CFAP299: variants seen among roughly 807,000 people sequenced by gnomAD.
The protein encoded by CFAP299 is cilia- and flagella-associated protein 299.
A neutral mutation model predicts 27.0 loss-of-function variants in CFAP299; 21 were observed. The ratio of observed to expected loss-of-function variants is 0.78; its 90% CI spans 0.55 to 1.12. The LOEUF is 1.12. CFAP299 is among the 50% of genes most tolerant of loss of function. The pLI is 0.00. For synonymous variants in CFAP299, 104 were observed against 98.1 expected (o/e 1.06, Z -0.36); for missense variants, 310 against 276.6 (o/e 1.12, Z -0.86).
At chr4:80,645,811 A>C (rs1739978433) in intron 3 of CFAP299, among the ~76,000 whole-genome samples, 1 of 152,122 alleles carries the variant, frequency 6.6e-6, no homozygotes, top group Admixed American at 6.6e-5. Flanking sequence ...ATATTTTCCA[A>C]GGTCTTTATG....
chr4:80,714,160 G>A (rs1279220705), intron 3 of CFAP299, among the ~76,000 whole-genome samples: 2 of 152,100 alleles, frequency 1.3e-5, no homozygotes, highest in African/African-American at 4.8e-5. Context: ...GGAAAGCAAT[G>A]TTTGCTAGTG....
At chr4:80,845,609 C>T (rs1481816836) in intron 3 of CFAP299, among the ~76,000 whole-genome samples, 4 of 152,136 alleles carry the variant, frequency 2.6e-5, no homozygotes, top group Admixed American at 6.6e-5. Context: ...TCTTCACGCA[C>T]ATCTTCCCCT....
chr4:80,747,773 A>G (rs1024623228), intron 3 of CFAP299, among the ~76,000 whole-genome samples: 4 of 151,990 alleles, frequency 2.6e-5, no homozygotes, highest in African/African-American at 7.2e-5. Context: ...GGCAAATTTT[A>G]TAGAGCTGTC....
chr4:80,598,752 A>G (rs937008451), intron 3 of CFAP299, among the ~76,000 whole-genome samples: 2 of 152,190 alleles, frequency 1.3e-5, no homozygotes, highest in African/African-American at 2.4e-5. Flanking sequence ...TCTAGGTGAC[A>G]TTGCTCCTAA....
chr4:80,467,802 A>G (rs1030232292), intron 2 of CFAP299, among the ~76,000 whole-genome samples: 5 of 152,206 alleles, frequency 3.3e-5, no homozygotes, highest in African/African-American at 9.7e-5. Flanking sequence ...AGGAGATCTC[A>G]GGAAACTTAC....
intron 2 of CFAP299, among the ~76,000 whole-genome samples, chr4:80,414,746 T>C (rs987527470): frequency 1.3e-5 from 2 of 152,230 alleles, no homozygotes; most frequent in Non-Finnish European, 2.9e-5. Flanking sequence ...CTCCATTTTA[T>C]ACTTCTATTA....
intron 3 of CFAP299, among the ~76,000 whole-genome samples, chr4:80,609,814 C>T (rs910039561): frequency 6.6e-6 from 1 of 151,900 alleles, no homozygotes; most frequent in African/African-American, 2.4e-5. Flanking sequence ...TTTTTGTGCT[C>T]ATATTCCTGT....
At chr4:80,716,355 G>T (rs1339607581) in intron 3 of CFAP299, among the ~76,000 whole-genome samples, 1 of 150,956 alleles carries the variant, frequency 6.6e-6, no homozygotes, top group African/African-American at 2.4e-5. Context: ...GCAAGTGAAT[G>T]TCAATAAGGA....
chr4:80,698,756 A>G (rs893591684), intron 3 of CFAP299, among the ~76,000 whole-genome samples: 4 of 152,238 alleles, frequency 2.6e-5, no homozygotes, highest in Non-Finnish European at 4.4e-5. Flanking sequence ...CACATCTTAC[A>G]TGGCAGCAGG....
chr4:80,958,600 A>G (rs1738182078), intron 5 of CFAP299, among the ~76,000 whole-genome samples: 1 of 152,220 alleles, frequency 6.6e-6, no homozygotes, highest in African/African-American at 2.4e-5. Context: ...ATTTATCTGA[A>G]AAATGAAACG....
intron 3 of CFAP299, among the ~76,000 whole-genome samples, chr4:80,683,681 G>A (rs939957800): frequency 6.6e-6 from 1 of 152,088 alleles, no homozygotes; most frequent in Non-Finnish European, 1.5e-5. Context: ...TTGAAAATAG[G>A]AATAGCACAT....
At chr4:80,326,167 G>C in the CFAP299 span, among the ~76,000 whole-genome samples, 1 of 152,050 alleles carries the variant, frequency 6.6e-6, no homozygotes, top group Admixed American at 6.6e-5. Flanking sequence ...TGTATGTGTT[G>C]TGTTCTTGCA....
At chr4:80,784,727 T>C (rs1727142268) in intron 3 of CFAP299, among the ~76,000 whole-genome samples, 1 of 151,986 alleles carries the variant, frequency 6.6e-6, no homozygotes, top group Non-Finnish European at 1.5e-5. Flanking sequence ...TTCTCCATGT[T>C]GGTCAGTCTG....
intron 4 of CFAP299, among the ~76,000 whole-genome samples, chr4:80,883,023 G>T (rs1330732953): frequency 6.6e-6 from 1 of 152,066 alleles, no homozygotes; most frequent in Admixed American, 6.5e-5. Context: ...TATAATAATG[G>T]TGATGCATAA....
At chr4:80,942,710 A>G (rs948362046) in intron 4 of CFAP299, among the ~76,000 whole-genome samples, 1 of 152,152 alleles carries the variant, frequency 6.6e-6, no homozygotes, top group African/African-American at 2.4e-5. Context: ...AATGTGTAAT[A>G]TAAACCATGC....
At chr4:80,441,895 G>A (rs181041326) in intron 2 of CFAP299, among the ~76,000 whole-genome samples, 57 of 152,184 alleles carry the variant, frequency 3.7e-4, no homozygotes, top group Admixed American at 1.9e-3. Flanking sequence ...AAAAAATGCA[G>A]GAGTTGCAAT....
intron 3 of CFAP299, among the ~76,000 whole-genome samples, chr4:80,796,280 G>C (rs971543606): frequency 2.0e-5 from 3 of 152,154 alleles, no homozygotes; most frequent in African/African-American, 7.2e-5. Context: ...TACTGAGGTA[G>C]AGATCTCTGA....
chr4:80,342,267 T>A (rs1303504134), intron 1 of CFAP299, among the ~76,000 whole-genome samples: 2 of 152,190 alleles, frequency 1.3e-5, no homozygotes, highest in Non-Finnish European at 2.9e-5. Flanking sequence ...CCAGGAGAAC[T>A]TCCTGAGCCT....
chr4:80,520,333 G>A (rs1168907763), intron 2 of CFAP299, among the ~76,000 whole-genome samples: 1 of 152,174 alleles, frequency 6.6e-6, no homozygotes, highest in Non-Finnish European at 1.5e-5. Context: ...ATACCCATTA[G>A]CAATATCTTA....
Sources: gnomAD v4.1 joint callset for allele counts (sites outside exome capture counted in the v4.1 genomes callset) on GRCh38, gnomAD v4.1.1 for gene constraint, MANE v1.5 for transcripts, NCBI Gene and HGNC (gene_info 2026-07-23, HGNC 2026-07-21) for gene names.